Variants in TRNP1 observed in about 807,000 individuals in gnomAD.
TRNP1 encodes the protein TMF1 regulated nuclear protein 1, also known as TMF-regulated nuclear protein 1.
In TRNP1, 16 loss-of-function variants were observed where a neutral mutation model predicts 12.2. That is an observed-to-expected ratio of 1.31 (90% CI 0.89 to 1.99). TRNP1 has a LOEUF of 1.99. Among genes scored for constraint, TRNP1 ranks in the 30% most tolerant of loss-of-function variants. The pLI is 0.00. For synonymous variants in TRNP1, 139 were observed against 166.2 expected (o/e 0.84, Z 1.26); for missense variants, 338 against 330.4 (o/e 1.02, Z -0.18).
Position 26,993,916 on chromosome 1 carries a change from C to G in TRNP1, c.130C>G (p.Pro44Ala), listed in dbSNP as rs773839746. 2,041 of 1,369,736 alleles carry G rather than the reference C, an allele frequency of 1.5e-3. 1 individual carries two copies. Among genetic ancestry groups the G allele is most frequent in the Non-Finnish European group, 1.8e-3 (1,871 of 1,069,018 alleles). 84.8% of individuals were successfully genotyped at this position (1,369,736 alleles called of 1,614,324 possible). A position where few individuals can be genotyped will look rare whatever the true frequency, so the allele number is the denominator to read the frequency against. The change falls in exon 1 of 2, where the codon CCT becomes GCT. Residue 44 changes from proline (P) to alanine (A), a missense_variant. Physicochemically the swap from Pro to Ala is conservative, Grantham distance 27. Coordinates refer to ENST00000522111, the MANE Select transcript of TRNP1 (RefSeq NM_001013642.3). The part of the protein sequence containing the change: ...QPPPPTPTLT[P>A]TPTPGQSPPL... ...CCCGCCCCCAACTCCGACCTTGACT[C>G]CTACCCCGACCCCGGGTCAGTCCCC...
chr1:26,994,580 T>C lies in TRNP1; in HGVS notation c.*110T>C, dbSNP rs919038652. 1.6e-5 allele frequency: 14 copies of C among 867,080 alleles called. No homozygotes were observed. The highest frequency in any genetic ancestry group is 5.1e-4 in the Middle Eastern group (1 of 1,948). The allele number at this position is 867,080 out of a possible 1,614,324, so 53.7% of individuals were successfully genotyped here. On this transcript the variant is annotated 3_prime_UTR_variant, in exon 1 of 2. Transcript: ENST00000522111. The surrounding 1 kb of genome is among the most constrained non-coding windows in gnomAD (Gnocchi z 6.9). The stretch of plus-strand genomic sequence containing the variant: ...ACTACGGATCCGCAGGAAGAGGCAG[T>C]TGGGGGCCAGGGGCCCAGTAGAGGA...
chr1:26,995,979 G>A lies in TRNP1; in HGVS notation c.*142+1367G>A, dbSNP rs1468850047. 5.9e-5 allele frequency among the ~76,000 whole-genome samples: 9 copies of A among 152,346 alleles called. No homozygotes were observed. The East Asian group carries it at 1.7e-3, about 29-fold the overall frequency. On this transcript the variant is annotated intron_variant, in intron 1 of 1. Transcript: ENST00000522111. ...CCTGGAAACAGGCACTGCTTTTGCT[G>A]ATAGAGCCATGAGCTAATTTAAAGT...
At chr1:26,996,573 A>AATC (rs1363700410) in intron 1 of TRNP1, among the ~76,000 whole-genome samples, 1 of 152,168 alleles carries the variant, frequency 6.6e-6, no homozygotes, top group East Asian at 1.9e-4. Context: ...GACATCTTGG[A>AATC]AAGAGCTGAG....
intron 1 of TRNP1, among the ~76,000 whole-genome samples, chr1:26,997,284 C>G (rs1005370071): frequency 3.4e-5 from 5 of 147,058 alleles, no homozygotes; most frequent in African/African-American, 1.0e-4. Context: ...GCACCGCACT[C>G]CAGCCTGGGC....
chr1:26,995,094 C>T (rs2082539144), intron 1 of TRNP1, among the ~76,000 whole-genome samples: 1 of 152,190 alleles, frequency 6.6e-6, no homozygotes, highest in Non-Finnish European at 1.5e-5. Context: ...TTTGGGGAGA[C>T]GGAATCCCAG....
Position 26,994,108 on chromosome 1 carries a change from C to T in TRNP1, c.322C>T (p.Arg108Trp), listed in dbSNP as rs2124191150. Residue 108 changes from arginine to tryptophan, a missense_variant, in exon 1 of 2, where the codon CGG (arginine) becomes TGG (tryptophan). By Grantham distance (101) the Arg-to-Trp change is moderately radical (BLOSUM62 -3). Coordinates refer to ENST00000522111, the MANE Select transcript of TRNP1 (RefSeq NM_001013642.3). This position sits in a 1 kb window ranked among gnomAD's most constrained non-coding sequence, Gnocchi z 6.9. ...GRALELAEAR[R>W]RLLEVEGRRR... ...CGCGCTGGAGCTGGCCGAAGCACGG[C>T]GGCGGCTGCTGGAGGTGGAGGGCCG... The T allele has an allele frequency of 1.6e-6, 2 of 1,218,842 alleles. No homozygotes were observed. The highest frequency in any genetic ancestry group is 3.4e-5 in the East Asian group (1 of 29,286). The allele number at this position is 1,218,842 out of a possible 1,614,324, so 75.5% of individuals were successfully genotyped here. A position where few individuals can be genotyped will look rare whatever the true frequency, so the allele number is the denominator to read the frequency against.
Position 26,994,216 on chromosome 1 carries a change from C to T in TRNP1, c.430C>T (p.Arg144Cys). 7.8e-7 allele frequency: 1 copy of T among 1,277,772 alleles called. No homozygotes were observed. The highest frequency in any genetic ancestry group is 2.2e-5 in the South Asian group (1 of 45,336). The allele number at this position is 1,277,772 out of a possible 1,614,324, so 79.2% of individuals were successfully genotyped here. The change falls in exon 1 of 2, where the codon CGC (arginine) becomes TGC (cysteine). Residue 144 changes from arginine to cysteine, a missense_variant. Coordinates refer to ENST00000522111, the MANE Select transcript of TRNP1 (RefSeq NM_001013642.3). The surrounding 1 kb of genome is among the most constrained non-coding windows in gnomAD (Gnocchi z 6.9). ...FLAAELRLAH[R>C]AESLSRLSGG... Reference sequence around the variant, plus strand: ...GGCGGCCGAGCTGCGCCTGGCGCACCGCGCGGAGAGCCTGAGCCGCCTGAG... The same window carrying T: ...GGCGGCCGAGCTGCGCCTGGCGCACTGCGCGGAGAGCCTGAGCCGCCTGAG...
intron 1 of TRNP1, among the ~76,000 whole-genome samples, chr1:26,995,467 A>G (rs2082540675): frequency 6.6e-6 from 1 of 152,154 alleles, no homozygotes; most frequent in Admixed American, 6.5e-5. Flanking sequence ...CCCACTGTGA[A>G]TGACCTGGCT....
intron 1 of TRNP1, among the ~76,000 whole-genome samples, chr1:26,997,105 C>T (rs541581564): frequency 2.0e-5 from 3 of 151,254 alleles, no homozygotes; most frequent in South Asian, 4.2e-4. Context: ...GGGAGGCCCA[C>T]GAGGGCCAAT....
Position 26,993,930 on chromosome 1 carries a change from G to C in TRNP1, c.144G>C (p.Pro48=). 1 of 1,357,870 alleles carries C rather than the reference G, an allele frequency of 7.4e-7. No homozygotes were observed. Among genetic ancestry groups the C allele is most frequent in the Non-Finnish European group, 9.4e-7 (1 of 1,061,286 alleles). 84.1% of individuals were successfully genotyped at this position (1,357,870 alleles called of 1,614,324 possible). ...CGACCTTGACTCCTACCCCGACCCC[G>C]GGTCAGTCCCCGCCGCTGCCGGACG... ...PTPTLTPTPT[P]GQSPPLPDAA... The change falls in exon 1 of 2, where the codon CCG becomes CCC. Residue 48 remains proline, a synonymous_variant. Transcript: ENST00000522111.
At chr1:26,998,448 G>C (rs2082556154) in intron 1 of TRNP1, among the ~76,000 whole-genome samples, 3 of 152,174 alleles carry the variant, frequency 2.0e-5, no homozygotes, top group Non-Finnish European at 2.9e-5. Context: ...TAGAGATTAG[G>C]CTGGAGCCAC....
chr1:26,994,239 G>C lies in TRNP1; in HGVS notation c.453G>C (p.Leu151=), dbSNP rs146158445. The change falls in exon 1 of 2, where the codon CTG becomes CTC. Residue 151 remains leucine, a synonymous_variant. Transcript: ENST00000522111. This position sits in a 1 kb window ranked among gnomAD's most constrained non-coding sequence, Gnocchi z 6.9. ...ACCGCGCGGAGAGCCTGAGCCGCCT[G>C]AGCGGCGGCGTGGCGCAGGCCGAGC... ...LAHRAESLSR[L]SGGVAQAELY... The C allele has an allele frequency of 3.2e-6, 4 of 1,235,640 alleles. No individual in the cohort carries two copies. The highest frequency in any genetic ancestry group is 3.0e-6 in the Non-Finnish European group (3 of 987,370). 76.5% of individuals were successfully genotyped at this position (1,235,640 alleles called of 1,614,324 possible). A position where few individuals can be genotyped will look rare whatever the true frequency, so the allele number is the denominator to read the frequency against.
chr1:26,997,035 C>T (rs962266564), intron 1 of TRNP1, among the ~76,000 whole-genome samples: 30 of 152,222 alleles, frequency 2.0e-4, no homozygotes, highest in Middle Eastern at 3.4e-3. Context: ...TCTAGAAGCT[C>T]ACCCGTCTGG....
At position 26,993,840 on chromosome 1, in the gene TRNP1, A is replaced by G. The variant is rs1570773746; in HGVS notation, c.54A>G (p.Ala18=). The G allele has an allele frequency of 1.5e-6, 2 of 1,347,964 alleles. No individual in the cohort carries two copies. Among genetic ancestry groups the G allele is most frequent in the Non-Finnish European group, 9.5e-7 (1 of 1,057,122 alleles). 83.5% of individuals were successfully genotyped at this position (1,347,964 alleles called of 1,614,324 possible). Reference sequence around the variant, plus strand: ...GCCCGGGGGCCCAGGAGGGGACGGCAGAGCAGAGGTCGCCGCCGCCGCCCT... The same window carrying G: ...GCCCGGGGGCCCAGGAGGGGACGGCGGAGCAGAGGTCGCCGCCGCCGCCCT... The part of the protein sequence containing the change: ...ACGPGAQEGT[A]EQRSPPPPWD... The change falls in exon 1 of 2, where the codon GCA becomes GCG. Residue 18 remains alanine, a synonymous_variant. Transcript: ENST00000522111.
Position 26,994,126 on chromosome 1 carries a change from G to T in TRNP1, c.340G>T (p.Glu114Ter). The T allele has an allele frequency of 8.1e-7, 1 of 1,234,952 alleles. No homozygotes were observed. Among genetic ancestry groups the T allele is most frequent in the South Asian group, 3.1e-5 (1 of 32,250 alleles). 76.5% of individuals were successfully genotyped at this position (1,234,952 alleles called of 1,614,324 possible). Residue 114 changes from glutamate to a stop codon, truncating the protein, a stop_gained, in exon 1 of 2, where the codon GAG becomes TAG. Coordinates refer to ENST00000522111, the MANE Select transcript of TRNP1 (RefSeq NM_001013642.3). LOFTEE classifies it high-confidence loss of function. This position sits in a 1 kb window ranked among gnomAD's most constrained non-coding sequence, Gnocchi z 6.9. ...AEARRRLLEVEGRRRLVSELE... is the reference protein window; with the variant it reads ...AEARRRLLEV Reference sequence around the variant, plus strand: ...AGCACGGCGGCGGCTGCTGGAGGTGGAGGGCCGCCGGCGCCTGGTGTCGGA... The same window carrying T: ...AGCACGGCGGCGGCTGCTGGAGGTGTAGGGCCGCCGGCGCCTGGTGTCGGA...
Position 26,994,227 on chromosome 1 carries a change from C to T in TRNP1, c.441C>T (p.Ser147=). 4.0e-6 allele frequency: 5 copies of T among 1,249,496 alleles called. No individual in the cohort carries two copies. The highest frequency in any genetic ancestry group is 5.0e-6 in the Non-Finnish European group (5 of 994,884). The allele number at this position is 1,249,496 out of a possible 1,614,324, so 77.4% of individuals were successfully genotyped here. A position where few individuals can be genotyped will look rare whatever the true frequency, so the allele number is the denominator to read the frequency against. ...AELRLAHRAE[S]LSRLSGGVAQ... is the part of the protein sequence containing the mutation. ...TGCGCCTGGCGCACCGCGCGGAGAG[C>T]CTGAGCCGCCTGAGCGGCGGCGTGG... Residue 147 remains serine, a synonymous_variant, in exon 1 of 2, where the codon AGC becomes AGT. Transcript: ENST00000522111. This position sits in a 1 kb window ranked among gnomAD's most constrained non-coding sequence, Gnocchi z 6.9.
chr1:26,993,835 A>G lies in TRNP1; in HGVS notation c.49A>G (p.Thr17Ala). The G allele has an allele frequency of 1.5e-6, 2 of 1,340,774 alleles. No individual in the cohort carries two copies. The highest frequency in any genetic ancestry group is 9.5e-7 in the Non-Finnish European group (1 of 1,052,068). The allele number at this position is 1,340,774 out of a possible 1,614,324, so 83.1% of individuals were successfully genotyped here. ...CTGCGGCCCGGGGGCCCAGGAGGGG[A>G]CGGCAGAGCAGAGGTCGCCGCCGCC... ...SACGPGAQEG[T>A]AEQRSPPPPW... The change falls in exon 1 of 2, where the codon ACG becomes GCG. Residue 17 changes from threonine to alanine, a missense_variant. Physicochemically the swap from Thr to Ala is moderately conservative, Grantham distance 58 (BLOSUM62 0). Coordinates refer to ENST00000522111, the MANE Select transcript of TRNP1 (RefSeq NM_001013642.3).
Position 26,993,877 on chromosome 1 carries a change from C to A in TRNP1, c.91C>A (p.Pro31Thr). Reference sequence around the variant, plus strand: ...GCCGCCGCCGCCCTGGGATCCCATGCCGTCCTCTCAGCCCCCGCCCCCAAC... The same window carrying A: ...GCCGCCGCCGCCCTGGGATCCCATGACGTCCTCTCAGCCCCCGCCCCCAAC... ...RSPPPPWDPM[P>T]SSQPPPPTPT... The change falls in exon 1 of 2, where the codon CCG (proline) becomes ACG (threonine). Residue 31 changes from proline (P) to threonine (T), a missense_variant. Physicochemically the swap from Pro to Thr is conservative, Grantham distance 38. Transcript: ENST00000522111. The A allele has an allele frequency of 7.3e-7, 1 of 1,374,170 alleles. No individual in the cohort carries two copies. The highest frequency in any genetic ancestry group is 1.7e-5 in the South Asian group (1 of 58,366). The allele number at this position is 1,374,170 out of a possible 1,614,324, so 85.1% of individuals were successfully genotyped here.
At chr1:26,998,776 A>G (rs923415573) in intron 1 of TRNP1, among the ~76,000 whole-genome samples, 3 of 152,202 alleles carry the variant, frequency 2.0e-5, no homozygotes, top group African/African-American at 4.8e-5. Flanking sequence ...ACCACTCTGC[A>G]AAGTAAGGGT....
Sources: gnomAD v4.1 joint callset for allele counts (sites outside exome capture counted in the v4.1 genomes callset) on GRCh38, gnomAD v4.1.1 for gene constraint, Gnocchi (gnomAD v3.1) non-coding constraint, MANE v1.5 for transcripts, NCBI Gene and HGNC (gene_info 2026-07-23, HGNC 2026-07-21) for gene names.